The following DEPDC1B variants were observed in gnomAD, a reference collection of about 807,000 sequenced individuals.
DEPDC1B encodes DEP domain-containing protein 1B.
In DEPDC1B, 51 loss-of-function variants were observed where a neutral mutation model predicts 66.5. The ratio of observed to expected loss-of-function variants is 0.77; its 90% CI spans 0.61 to 0.97. The LOEUF (loss-of-function observed/expected upper bound fraction) is 0.97, where lower values mean the gene tolerates loss of function less well. DEPDC1B is among the 50% of genes least tolerant of loss of function. The pLI is 0.00. For synonymous variants in DEPDC1B, 226 were observed against 223.6 expected (o/e 1.01, Z -0.10); for missense variants, 552 against 637.1 (o/e 0.87, Z 1.44).
intron 3 of DEPDC1B, 41 bp from the exon 4 acceptor site, chr5:60,645,660 G>A (rs377181072): frequency 1.3e-4 from 204 of 1,569,212 alleles, no homozygotes; most frequent in Non-Finnish European, 1.6e-4. Flanking sequence ...AAGGAGAAAC[G>A]GTAGAAAGAC....
intron 7 of DEPDC1B, among the ~76,000 whole-genome samples, chr5:60,620,721 A>G (rs1039655908): frequency 1.3e-5 from 2 of 152,252 alleles, no homozygotes; most frequent in Non-Finnish European, 2.9e-5. Flanking sequence ...CCATTGTGGA[A>G]GACAGTGTGG....
chr5:60,616,571 G>T (rs895560644), intron 7 of DEPDC1B, among the ~76,000 whole-genome samples: 1 of 151,648 alleles, frequency 6.6e-6, no homozygotes, highest in Non-Finnish European at 1.5e-5. Context: ...ATGAAATGAA[G>T]CGAGAAGTTT....
chr5:60,643,105 C>CTTTCTTTT (rs975722746), intron 5 of DEPDC1B, among the ~76,000 whole-genome samples: 2 of 151,704 alleles, frequency 1.3e-5, no homozygotes, highest in African/African-American at 4.8e-5. Flanking sequence ...CTTTTTAAAG[C>CTTTCTTTT]TATAGTAAAA....
chr5:60,618,186 G>T (rs896799368), intron 7 of DEPDC1B, among the ~76,000 whole-genome samples: 1 of 80,554 alleles, frequency 1.2e-5, no homozygotes, highest in South Asian at 2.7e-4. Flanking sequence ...AGAGAAAGCA[G>T]GAAAGATCTA....
intron 1 of DEPDC1B, among the ~76,000 whole-genome samples, chr5:60,694,062 A>C (rs988020885): frequency 6.6e-6 from 1 of 152,120 alleles, no homozygotes; most frequent in African/African-American, 2.4e-5. Flanking sequence ...TTGTTCTTTT[A>C]ATTACAGAAG....
chr5:60,693,861 C>T (rs982536371), intron 1 of DEPDC1B, among the ~76,000 whole-genome samples: 6 of 151,428 alleles, frequency 4.0e-5, no homozygotes, highest in Non-Finnish European at 5.9e-5. Context: ...TATGTAGGGC[C>T]GGGGGAAGGG....
At chr5:60,638,986 G>T in intron 6 of DEPDC1B, 96 bp from the exon 7 acceptor site, 1 of 1,403,398 alleles carries the variant, frequency 7.1e-7, no homozygotes, top group Non-Finnish European at 9.6e-7. Context: ...CAGATATTCA[G>T]ATATTTGACA....
chr5:60,599,401 T>C (rs113146158), intron 9 of DEPDC1B, 141 bp from the exon 10 acceptor site: 7,399 of 502,914 alleles, frequency 0.015, 59 homozygotes, highest in Middle Eastern at 0.029. Context: ...GGGGAAACTC[T>C]ATATTGAAAA....
chr5:60,631,454 T>C (rs1247507296), intron 7 of DEPDC1B, among the ~76,000 whole-genome samples: 1 of 152,184 alleles, frequency 6.6e-6, no homozygotes, highest in Non-Finnish European at 1.5e-5. Context: ...CAGAGTGGAT[T>C]CTGGAGAGCA....
chr5:60,660,328 G>C (rs1753684377), intron 2 of DEPDC1B, among the ~76,000 whole-genome samples: 1 of 151,440 alleles, frequency 6.6e-6, no homozygotes, highest in Admixed American at 6.6e-5. Flanking sequence ...GGGGGAGAGA[G>C]AGAGAGAGAG....
chr5:60,626,841 GA>G (rs1232910422), intron 7 of DEPDC1B, among the ~76,000 whole-genome samples: 2 of 151,948 alleles, frequency 1.3e-5, no homozygotes, highest in Non-Finnish European at 2.9e-5. Flanking sequence ...TCAGAAGTCA[GA>G]AAGATATTCT....
intron 1 of DEPDC1B, among the ~76,000 whole-genome samples, chr5:60,691,503 C>T (rs1437057231): frequency 6.6e-6 from 1 of 151,990 alleles, no homozygotes; most frequent in Non-Finnish European, 1.5e-5. Flanking sequence ...GAGTCATGCT[C>T]CAAATTAAGT....
chr5:60,635,064 G>GAAAA (rs371444479), intron 7 of DEPDC1B, among the ~76,000 whole-genome samples: 1 of 116,006 alleles, frequency 8.6e-6, no homozygotes, highest in Non-Finnish European at 1.7e-5. Flanking sequence ...CATCTCAAGA[G>GAAAA]AAAAAAAAAA....
At chr5:60,668,608 A>G (rs1753957952) in intron 2 of DEPDC1B, among the ~76,000 whole-genome samples, 1 of 152,062 alleles carries the variant, frequency 6.6e-6, no homozygotes, top group African/African-American at 2.4e-5. Flanking sequence ...CAATGAATCT[A>G]TAAGAAAAAA....
chr5:60,686,389 C>A (rs533100376), intron 2 of DEPDC1B, among the ~76,000 whole-genome samples: 4 of 152,310 alleles, frequency 2.6e-5, no homozygotes, highest in African/African-American at 9.6e-5. Context: ...AAGTGAAGTG[C>A]AAGACAAGCA....
intron 7 of DEPDC1B, among the ~76,000 whole-genome samples, chr5:60,619,265 C>T (rs549147743): frequency 5.3e-5 from 8 of 152,198 alleles, no homozygotes; most frequent in Non-Finnish European, 1.2e-4. Context: ...TCCTATTCAA[C>T]ATAGTGTTGG....
chr5:60,695,567 G>T (rs983924166), intron 1 of DEPDC1B, among the ~76,000 whole-genome samples: 1 of 152,164 alleles, frequency 6.6e-6, no homozygotes, highest in Non-Finnish European at 1.5e-5. Flanking sequence ...ATTTGGAGGG[G>T]ATAAACGTCC....
At chr5:60,624,312 T>C (rs1752767109) in intron 7 of DEPDC1B, among the ~76,000 whole-genome samples, 1 of 152,206 alleles carries the variant, frequency 6.6e-6, no homozygotes, top group South Asian at 2.1e-4. Flanking sequence ...TTTTAGATGT[T>C]AAACCAGTCT....
At chr5:60,666,984 A>G (rs576491977) in intron 2 of DEPDC1B, among the ~76,000 whole-genome samples, 34 of 152,308 alleles carry the variant, frequency 2.2e-4, no homozygotes, top group African/African-American at 7.9e-4. Flanking sequence ...TTGCCACAAA[A>G]CCCATGAGTA....
Sources: allele counts gnomAD v4.1 joint callset (sites outside exome capture counted in the v4.1 genomes callset), GRCh38; gene constraint gnomAD v4.1.1; transcripts MANE v1.5; gene names NCBI Gene and HGNC (gene_info 2026-07-23, HGNC 2026-07-21).